The following RPGRIP1 variants were observed in gnomAD, a reference collection of about 807,000 sequenced individuals.
The protein encoded by RPGRIP1 is X-linked retinitis pigmentosa GTPase regulator-interacting protein 1.
A neutral mutation model predicts 157.9 loss-of-function variants in RPGRIP1; 128 were observed. The ratio of observed to expected loss-of-function variants is 0.81; its 90% CI spans 0.70 to 0.94. The LOEUF (loss-of-function observed/expected upper bound fraction) is 0.94, where lower values mean the gene tolerates loss of function less well. RPGRIP1 is among the 40% of genes least tolerant of loss of function. The pLI is 0.00. For synonymous variants in RPGRIP1, 554 were observed against 571.6 expected, an observed-to-expected ratio of 0.97 and a Z score of 0.44; for missense variants, 1,486 against 1,545.8, an observed-to-expected ratio of 0.96 and a Z score of 0.65.
intron 11 of RPGRIP1, among the ~76,000 whole-genome samples, chr14:21,318,752 G>T (rs541305957): frequency 1.3e-5 from 2 of 152,252 alleles, no homozygotes; most frequent in South Asian, 4.1e-4. Flanking sequence ...TGGGATTACA[G>T]GTGAAAGCCA....
At chr14:21,315,996 G>A (rs1003999925) in intron 10 of RPGRIP1, among the ~76,000 whole-genome samples, 6 of 110,782 alleles carry the variant, frequency 5.4e-5, no homozygotes, top group African/African-American at 2.1e-4. Context: ...TTTTTTTTGA[G>A]ACAAAGTCTC....
intron 20 of RPGRIP1, among the ~76,000 whole-genome samples, chr14:21,331,659 A>G (rs1883806469): frequency 6.6e-6 from 1 of 152,166 alleles, no homozygotes; most frequent in Non-Finnish European, 1.5e-5. Flanking sequence ...GGTTACTGCT[A>G]GGAGAAGGGG....
intron 2 of RPGRIP1, among the ~76,000 whole-genome samples, chr14:21,291,350 C>A (rs561377966): frequency 2.0e-5 from 3 of 152,142 alleles, no homozygotes; most frequent in African/African-American, 4.8e-5. Flanking sequence ...GATAGGAAAC[C>A]GTTGTTCAGG....
chr14:21,341,933 C>T (rs1296583020), intron 21 of RPGRIP1, among the ~76,000 whole-genome samples: 4 of 151,882 alleles, frequency 2.6e-5, no homozygotes, highest in Non-Finnish European at 5.9e-5. Context: ...GCCTGTAGTC[C>T]CAGCTACTCG....
chr14:21,350,006 C>T (rs1886031862), intron 24 of RPGRIP1, among the ~76,000 whole-genome samples: 1 of 152,102 alleles, frequency 6.6e-6, no homozygotes, highest in Non-Finnish European at 1.5e-5. Flanking sequence ...ACACACACCC[C>T]ATTAGTGGAT....
intron 1 of RPGRIP1, among the ~76,000 whole-genome samples, chr14:21,285,486 T>C (rs1241970757): frequency 6.6e-6 from 1 of 151,540 alleles, no homozygotes; most frequent in Non-Finnish European, 1.5e-5. Context: ...GTGCCTGTAG[T>C]CCGAGCTACT....
rs201384449 is a variant in RPGRIP1, at chr14:21,288,026, T to C, written c.50T>C (p.Ile17Thr). Residue 17 changes from isoleucine to threonine, a missense_variant, in exon 2 of 25, where the codon ATA becomes ACA. Coordinates refer to ENST00000400017, the MANE Select transcript of RPGRIP1 (RefSeq NM_020366.4). ...PTSGDLPVRD[I>T]DAIPLVLPAS... ...TCAGGAGACTTGCCAGTTAGAGACATAGATGCTATACCTCTGGTGCTACCA... is the reference window on the plus strand; with the variant it reads ...TCAGGAGACTTGCCAGTTAGAGACACAGATGCTATACCTCTGGTGCTACCA... The C allele has an allele frequency of 3.1e-4, 501 of 1,613,448 alleles. 2 individuals carry two copies. In the South Asian group the frequency reaches 4.0e-3, roughly 13 times the overall value.
At chr14:21,310,965 G>A (rs1881517307) in intron 8 of RPGRIP1, 2 of 530,412 alleles carry the variant, frequency 3.8e-6, no homozygotes, top group African/African-American at 1.9e-5. Context: ...ATTCTCAGAT[G>A]GTCTTAAATA....
intron 13 of RPGRIP1, 177 bp downstream of exon 13, chr14:21,321,579 C>T (rs1280065634): frequency 7.7e-7 from 1 of 1,295,994 alleles, no homozygotes. Context: ...ATGCCCACGG[C>T]ACCTTGGCAC....
chr14:21,303,563 T>C lies in RPGRIP1; in HGVS notation c.800+20T>C, dbSNP rs781308539. ...GCTTCGGTAAGAGTGTGGCACTCCA[T>C]GCCTCAAACCAAAACGAACTGAAAA... On this transcript the variant is annotated intron_variant, in intron 6 of 24. Coordinates refer to ENST00000400017, the MANE Select transcript of RPGRIP1 (RefSeq NM_020366.4). The C allele has an allele frequency of 6.3e-7, 1 of 1,579,242 alleles. No homozygotes were observed. Among genetic ancestry groups the C allele is most frequent in the Non-Finnish European group, 8.7e-7 (1 of 1,149,614 alleles).
At chr14:21,338,448 A>G (rs886682049) in intron 21 of RPGRIP1, among the ~76,000 whole-genome samples, 1 of 152,178 alleles carries the variant, frequency 6.6e-6, no homozygotes, top group African/African-American at 2.4e-5. Context: ...TAATAAGCCA[A>G]AGGGTGTTAT....
At chr14:21,328,379 G>A (rs1482180780) in intron 18 of RPGRIP1, 45 bp from the exon 19 acceptor site, 5 of 1,437,504 alleles carry the variant, frequency 3.5e-6, no homozygotes, top group Non-Finnish European at 4.8e-6. Flanking sequence ...TTTCTAGGTT[G>A]TTAAACTACC....
At chr14:21,319,584 T>C (rs1047512729) in intron 11 of RPGRIP1, among the ~76,000 whole-genome samples, 1 of 151,790 alleles carries the variant, frequency 6.6e-6, no homozygotes. Flanking sequence ...ACACACACAT[T>C]GGAACACAGA....
chr14:21,342,974 G>A (rs1885169680), intron 21 of RPGRIP1, 62 bp from the exon 22 acceptor site: 2 of 1,174,692 alleles, frequency 1.7e-6, no homozygotes, highest in Non-Finnish European at 2.5e-6. Context: ...TTAATTGGAT[G>A]GCGTATAAGC....
At chr14:21,297,066 CAG>C (rs1713078835) in intron 3 of RPGRIP1, among the ~76,000 whole-genome samples, 1 of 151,680 alleles carries the variant, frequency 6.6e-6, no homozygotes, top group African/African-American at 2.4e-5. Context: ...TAGTGCATAA[CAG>C]AGGTGGAATC....
Position 21,320,125 on chromosome 14 carries a change from A to G in RPGRIP1, c.1415A>G (p.Gln472Arg), listed in dbSNP as rs1882236590. The G allele has an allele frequency of 6.2e-7, 1 of 1,613,844 alleles. No individual in the cohort carries two copies. The highest frequency in any genetic ancestry group is 1.3e-5 in the African/African-American group (1 of 74,922). Residue 472 changes from glutamine (Q) to arginine (R), a missense_variant, in exon 12 of 25, where the codon CAA (glutamine) becomes CGA (arginine). Gln to Arg is a conservative substitution (Grantham distance 43). Transcript: ENST00000400017. ...ACAATTTCCCAACCTCCTGACAGGC[A>G]ATCTGAACCAGCCACTCACCCAGCT... Reference protein sequence around the residue: ...AATISQPPDRQSEPATHPAVL... With the variant: ...AATISQPPDRRSEPATHPAVL...
intron 7 of RPGRIP1, among the ~76,000 whole-genome samples, chr14:21,308,939 C>T (rs1376363123): frequency 6.6e-6 from 1 of 152,060 alleles, no homozygotes; most frequent in Non-Finnish European, 1.5e-5. Flanking sequence ...GTTCTACACA[C>T]GTGGGGATAT....
rs925349418 is a variant in RPGRIP1 at position 21,345,109 on chromosome 14, A to G, written c.3533-4A>G. ...TTTGCTTTTTTCTCTTACCCTTAAT[A>G]CAGTAATAGACCTGGACCCACAGGA... is the stretch of plus-strand genomic sequence containing the variant. On this transcript the variant is annotated splice_polypyrimidine_tract_variant and splice_region_variant and intron_variant, in intron 22 of 24. Transcript: ENST00000400017. The G allele has an allele frequency of 5.0e-6, 8 of 1,605,188 alleles. No homozygotes were observed. The Admixed American group carries it at 1.0e-4, about 20-fold the overall frequency.
chr14:21,321,178 C>T, intron 12 of RPGRIP1, 81 bp from the exon 13 acceptor site: 1 of 1,423,294 alleles, frequency 7.0e-7, no homozygotes, highest in Non-Finnish European at 9.4e-7. Context: ...TTACTACTAC[C>T]AACAACTGTT....
Sources: allele counts gnomAD v4.1 joint callset (sites outside exome capture counted in the v4.1 genomes callset), GRCh38; gene constraint gnomAD v4.1.1; transcripts MANE v1.5; gene names NCBI Gene and HGNC (gene_info 2026-07-23, HGNC 2026-07-21).